USP25: variants seen among roughly 807,000 people sequenced by gnomAD.
USP25 encodes ubiquitin carboxyl-terminal hydrolase 25.
USP25 carries 85 observed loss-of-function variants against 158.5 expected under a neutral mutation model. That is an observed-to-expected ratio of 0.54 (90% CI 0.45 to 0.64). USP25 has a LOEUF of 0.64. USP25 is among the 30% of genes least tolerant of loss of function. The pLI is 0.00. For synonymous variants in USP25, 464 were observed against 460.4 expected, an observed-to-expected ratio of 1.01 and a Z score of -0.10; for missense variants, 1,242 against 1,327.3, an observed-to-expected ratio of 0.94 and a Z score of 1.00.
At chr21:15,814,545 G>T (rs979343552) in intron 9 of USP25, among the ~76,000 whole-genome samples, 1 of 152,334 alleles carries the variant, frequency 6.6e-6, no homozygotes, top group South Asian at 2.1e-4. Flanking sequence ...TAAGGTCCAG[G>T]CTGAGGTGGT....
At chr21:15,860,420 G>C (rs2039375251) in intron 20 of USP25, among the ~76,000 whole-genome samples, 1 of 152,166 alleles carries the variant, frequency 6.6e-6, no homozygotes, top group Admixed American at 6.5e-5. Context: ...CTCCCAAAGT[G>C]CTGGGATTAC....
At chr21:15,761,169 A>G (rs1308353990) in intron 1 of USP25, among the ~76,000 whole-genome samples, 1 of 152,196 alleles carries the variant, frequency 6.6e-6, no homozygotes, top group African/African-American at 2.4e-5. Context: ...GCTATCTCAC[A>G]GATTATAGAG....
intron 1 of USP25, chr21:15,745,107 A>C (rs1307624992): frequency 6.6e-6 from 1 of 152,250 alleles, no homozygotes; most frequent in African/African-American, 2.4e-5. Flanking sequence ...GCTTCTAAGC[A>C]GGGGCATCTT....
chr21:15,809,354 A>T (rs2036543502), intron 8 of USP25, among the ~76,000 whole-genome samples: 1 of 152,180 alleles, frequency 6.6e-6, no homozygotes, highest in African/African-American at 2.4e-5. Context: ...CCCAGAGGTG[A>T]CACACATCAC....
At chr21:15,770,485 T>C (rs1209828156) in intron 3 of USP25, among the ~76,000 whole-genome samples, 1 of 152,130 alleles carries the variant, frequency 6.6e-6, no homozygotes, top group East Asian at 1.9e-4. Flanking sequence ...TTAATTTTAC[T>C]TTTTTTCACA....
intron 24 of USP25, chr21:15,877,519 C>T (rs2040144660): frequency 8.9e-6 from 2 of 225,936 alleles, no homozygotes; most frequent in Non-Finnish European, 1.7e-5. Flanking sequence ...AAAAATGGCC[C>T]CTGTGTTGAT....
At chr21:15,855,141 A>C (rs1487828627) in intron 20 of USP25, among the ~76,000 whole-genome samples, 1 of 152,148 alleles carries the variant, frequency 6.6e-6, no homozygotes, top group Non-Finnish European at 1.5e-5. Context: ...TTTTTCATTT[A>C]TTTTAAAAGA....
intron 14 of USP25, among the ~76,000 whole-genome samples, chr21:15,829,441 G>T (rs2037690597): frequency 6.6e-6 from 1 of 152,102 alleles, no homozygotes; most frequent in South Asian, 2.1e-4. Flanking sequence ...AAACCAGTTT[G>T]CATTCCCACT....
intron 10 of USP25, among the ~76,000 whole-genome samples, chr21:15,819,148 A>T (rs1327166756): frequency 6.6e-6 from 1 of 152,162 alleles, no homozygotes; most frequent in East Asian, 1.9e-4. Flanking sequence ...TAGTTCCTCG[A>T]TATAAAGAAG....
chr21:15,730,820 G>T (rs543043040), intron 1 of USP25, among the ~76,000 whole-genome samples: 25 of 152,274 alleles, frequency 1.6e-4, no homozygotes, highest in African/African-American at 5.5e-4. Context: ...TTCAAAGGTA[G>T]TAGTGTACCA....
rs184468439 is a variant in USP25, at chr21:15,777,215, A to G, written c.269-689A>G. On this transcript the variant is annotated intron_variant, in intron 3 of 25. Coordinates refer to ENST00000400183, the MANE Select transcript of USP25 (RefSeq NM_001283041.3). ...AAGAGGGCTTGTTTCATTCACTTGT[A>G]TATTTCATTTTTGTGAAATGAGAAT... 3.2e-4 allele frequency among the ~76,000 whole-genome samples: 49 copies of G among 152,324 alleles called. 1 individual carries two copies. Among genetic ancestry groups the G allele is most frequent in the African/African-American group, 6.0e-4 (25 of 41,586 alleles).
chr21:15,835,328 TTC>T (rs1038517131), intron 17 of USP25, among the ~76,000 whole-genome samples: 4 of 152,300 alleles, frequency 2.6e-5, no homozygotes, highest in South Asian at 2.1e-4. Flanking sequence ...TCTCCAAATT[TTC>T]AGAGTTAACA....
chr21:15,831,626 C>T lies in USP25; in HGVS notation c.1990C>T (p.Gln664Ter). The change falls in exon 16 of 26, where the codon CAA becomes TAA. Residue 664 changes from glutamine (Q) to a stop codon, truncating the protein, a stop_gained. Coordinates refer to ENST00000400183, the MANE Select transcript of USP25 (RefSeq NM_001283041.3). LOFTEE classifies it high-confidence loss of function. Reference sequence around the variant, plus strand: ...AAATGATAAGGCACAGTTCCTAATACAAGGTAAGAATATATAGGGTGGTGT... The same window carrying T: ...AAATGATAAGGCACAGTTCCTAATATAAGGTAAGAATATATAGGGTGGTGT... ...YINDKAQFLI[Q>*]EEFNKETGQP... The T allele has an allele frequency of 6.2e-7, 1 of 1,611,572 alleles. No individual in the cohort carries two copies. Among genetic ancestry groups the T allele is most frequent in the Non-Finnish European group, 8.5e-7 (1 of 1,178,158 alleles).
chr21:15,803,605 A>G (rs1392234724), intron 6 of USP25, among the ~76,000 whole-genome samples: 1 of 151,894 alleles, frequency 6.6e-6, no homozygotes, highest in Admixed American at 6.6e-5. Flanking sequence ...TACTTTTCAA[A>G]TATGCTTCTC....
At chr21:15,821,459 C>G (rs1290373744) in intron 10 of USP25, among the ~76,000 whole-genome samples, 2 of 151,938 alleles carry the variant, frequency 1.3e-5, no homozygotes, top group Non-Finnish European at 2.9e-5. Context: ...ACAGGGCATA[C>G]TCATTTAGAT....
chr21:15,765,584 C>A (rs951495383), intron 2 of USP25, among the ~76,000 whole-genome samples: 7 of 151,962 alleles, frequency 4.6e-5, no homozygotes, highest in Admixed American at 1.3e-4. Context: ...GTATCCAGCA[C>A]CCAGATTAAA....
intron 1 of USP25, among the ~76,000 whole-genome samples, chr21:15,745,911 G>T (rs2032518230): frequency 6.6e-6 from 1 of 152,188 alleles, no homozygotes; most frequent in Non-Finnish European, 1.5e-5. Flanking sequence ...CTAAGTCAAG[G>T]TTCATTTATT....
At chr21:15,776,958 A>G (rs1170263596) in intron 3 of USP25, among the ~76,000 whole-genome samples, 1 of 152,206 alleles carries the variant, frequency 6.6e-6, no homozygotes, top group Non-Finnish European at 1.5e-5. Context: ...CTTTCTGATC[A>G]TATTATTTTG....
intron 4 of USP25, among the ~76,000 whole-genome samples, chr21:15,791,236 T>C (rs2035573618): frequency 6.6e-6 from 1 of 151,916 alleles, no homozygotes; most frequent in Admixed American, 6.6e-5. Context: ...ATCTAATTTG[T>C]TGAAATGTGA....
Sources: allele counts gnomAD v4.1 joint callset (sites outside exome capture counted in the v4.1 genomes callset), GRCh38; gene constraint gnomAD v4.1.1; transcripts MANE v1.5; gene names NCBI Gene and HGNC (gene_info 2026-07-23, HGNC 2026-07-21).